Variants in DYM observed in about 807,000 individuals in gnomAD.
The protein encoded by DYM is dyggve-Melchior-Clausen syndrome protein.
Under a neutral mutation model 93.1 loss-of-function variants are expected in DYM, and 78 were observed. The ratio of observed to expected loss-of-function variants is 0.84; its 90% CI spans 0.70 to 1.01. The LOEUF is 1.01. Ranked by LOEUF, DYM falls within the 50% of genes least tolerant of loss-of-function variation. DYM has a pLI of 0.00. For synonymous variants in DYM, 321 were observed against 319.7 expected (o/e 1.00, Z -0.04); for missense variants, 789 against 845.0 (o/e 0.93, Z 0.82).
At chr18:49,067,403 TGTGA>T (rs61089954) in intron 17 of DYM, among the ~76,000 whole-genome samples, 327 of 1,682 alleles carry the variant, frequency 0.19, no homozygotes, top group Non-Finnish European at 0.24. Context: ...AGTAGGGTGA[TGTGA>T]GTGTTATGGA....
At chr18:49,250,439 C>T (rs993438219) in intron 13 of DYM, among the ~76,000 whole-genome samples, 1 of 152,204 alleles carries the variant, frequency 6.6e-6, no homozygotes, top group Non-Finnish European at 1.5e-5. Flanking sequence ...GTAGCTTTCT[C>T]CTTTCCTGGG....
chr18:49,383,249 G>C (rs1276672883), intron 3 of DYM, among the ~76,000 whole-genome samples: 1 of 152,148 alleles, frequency 6.6e-6, no homozygotes, highest in Non-Finnish European at 1.5e-5. Flanking sequence ...TGAATATTTT[G>C]TGATATTAAA....
At chr18:49,048,901 G>C (rs879354598) in intron 17 of DYM, among the ~76,000 whole-genome samples, 3 of 152,146 alleles carry the variant, frequency 2.0e-5, no homozygotes, top group Non-Finnish European at 4.4e-5. Flanking sequence ...CTCCACAAAG[G>C]CACAGGACAT....
At chr18:49,120,558 T>A (rs551065320) in intron 15 of DYM, among the ~76,000 whole-genome samples, 9 of 152,304 alleles carry the variant, frequency 5.9e-5, no homozygotes, top group East Asian at 5.8e-4. Flanking sequence ...CACAGATTTT[T>A]TAAATCTGTG....
At chr18:49,149,293 C>T (rs2085535167) in intron 15 of DYM, among the ~76,000 whole-genome samples, 1 of 152,088 alleles carries the variant, frequency 6.6e-6, no homozygotes, top group Non-Finnish European at 1.5e-5. Flanking sequence ...TCAGTTCCAA[C>T]AGCCCATGGA....
At chr18:49,340,273 C>T (rs1324846564) in intron 6 of DYM, among the ~76,000 whole-genome samples, 6 of 151,806 alleles carry the variant, frequency 4.0e-5, no homozygotes, top group Admixed American at 3.3e-4. Context: ...GTTTTAAAAG[C>T]CACAGACTAA....
At chr18:49,074,410 C>T (rs1337562759) in intron 17 of DYM, among the ~76,000 whole-genome samples, 1 of 152,146 alleles carries the variant, frequency 6.6e-6, no homozygotes, top group East Asian at 1.9e-4. Flanking sequence ...ACTTGAGCAT[C>T]TGTGGATTTT....
At chr18:49,129,236 C>T (rs2083148527) in intron 15 of DYM, among the ~76,000 whole-genome samples, 1 of 152,110 alleles carries the variant, frequency 6.6e-6, no homozygotes, top group African/African-American at 2.4e-5. Context: ...GGCCTCATTT[C>T]CTTCAAATGT....
At chr18:49,161,088 A>G (rs1392157466) in intron 15 of DYM, among the ~76,000 whole-genome samples, 2 of 141,098 alleles carry the variant, frequency 1.4e-5, no homozygotes. Context: ...AAATGTTAAG[A>G]AAAAAAAAAA....
At chr18:49,358,953 G>A (rs1469216764) in intron 6 of DYM, among the ~76,000 whole-genome samples, 1 of 152,138 alleles carries the variant, frequency 6.6e-6, no homozygotes, top group African/African-American at 2.4e-5. Context: ...ACAAGGATGG[G>A]TCTATACGGC....
intron 2 of DYM, among the ~76,000 whole-genome samples, chr18:49,423,429 AC>A (rs1179387627): frequency 2.6e-5 from 4 of 152,244 alleles, no homozygotes; most frequent in Admixed American, 6.5e-5. Flanking sequence ...CTAAATGCCC[AC>A]AAGAGAAAGC....
chr18:49,353,715 C>G (rs2065313602), intron 6 of DYM, among the ~76,000 whole-genome samples: 1 of 151,838 alleles, frequency 6.6e-6, no homozygotes, highest in African/African-American at 2.4e-5. Context: ...GGATATAAAT[C>G]TAACAAAATA....
intron 8 of DYM, among the ~76,000 whole-genome samples, chr18:49,325,634 A>G (rs1385934044): frequency 2.6e-5 from 4 of 152,240 alleles, no homozygotes; most frequent in Admixed American, 2.6e-4. Context: ...ATAGCACATA[A>G]AAACTACAGA....
chr18:49,158,907 T>A (rs374046703), intron 15 of DYM, among the ~76,000 whole-genome samples: 37 of 152,112 alleles, frequency 2.4e-4, no homozygotes, highest in Non-Finnish European at 3.7e-4. Flanking sequence ...AAGAGCATAA[T>A]TGGATTGTTT....
intron 17 of DYM, among the ~76,000 whole-genome samples, chr18:49,071,603 A>C (rs543264951): frequency 5.4e-4 from 83 of 152,348 alleles, no homozygotes; most frequent in African/African-American, 2.0e-3. Context: ...CCACAAGTAC[A>C]TTTTTAGCAA....
chr18:49,094,245 G>A (rs1376650236), intron 17 of DYM, among the ~76,000 whole-genome samples: 1 of 152,106 alleles, frequency 6.6e-6, no homozygotes, highest in African/African-American at 2.4e-5. Context: ...ATGAGAACAC[G>A]CACGGATCTG....
intron 17 of DYM, among the ~76,000 whole-genome samples, chr18:49,092,840 G>A (rs900404078): frequency 6.6e-6 from 1 of 152,212 alleles, no homozygotes; most frequent in African/African-American, 2.4e-5. Context: ...TTAGCGGTAA[G>A]AGACCCTTAG....
At chr18:49,441,133 TAA>T (rs1175619360) in intron 1 of DYM, among the ~76,000 whole-genome samples, 278 of 4,928 alleles carry the variant, frequency 0.056, 46 homozygotes, top group Non-Finnish European at 0.11. Flanking sequence ...TATATTTATA[TAA>T]ATATATTATA....
intron 5 of DYM, among the ~76,000 whole-genome samples, chr18:49,377,428 A>C (rs907993272): frequency 6.6e-6 from 1 of 151,956 alleles, no homozygotes; most frequent in South Asian, 2.1e-4. Flanking sequence ...GGCTTGGTGG[A>C]ATGCACCTGT....
Sources: gnomAD v4.1 joint callset for allele counts (sites outside exome capture counted in the v4.1 genomes callset) on GRCh38, gnomAD v4.1.1 for gene constraint, MANE v1.5 for transcripts, NCBI Gene and HGNC (gene_info 2026-07-23, HGNC 2026-07-21) for gene names.